The following BMPER variants were observed in gnomAD, a reference collection of about 807,000 sequenced individuals.
BMPER encodes BMP-binding endothelial regulator protein.
BMPER carries 45 observed loss-of-function variants against 87.3 expected under a neutral mutation model. The observed-to-expected ratio is 0.52, with a 90% CI of 0.41 to 0.66. BMPER has a LOEUF of 0.66. BMPER is among the 30% of genes least tolerant of loss of function. The pLI, the probability that BMPER is intolerant of heterozygous loss-of-function variation, is 0.00. For missense variants in BMPER, 784 were observed against 867.5 expected (o/e 0.90, Z 1.21); for synonymous variants, 326 against 316.2 (o/e 1.03, Z -0.33).
intron 13 of BMPER, among the ~76,000 whole-genome samples, chr7:34,089,183 T>C (rs1184767360): frequency 2.6e-5 from 4 of 152,098 alleles, no homozygotes; most frequent in African/African-American, 9.7e-5. Flanking sequence ...ATTTATTTTA[T>C]TTTCCCCCCA....
At chr7:34,074,558 ACAGTGATCTCGTGGGGCCTGTTTCCCTG>A (rs1392567870) in intron 11 of BMPER, among the ~76,000 whole-genome samples, 10 of 152,262 alleles carry the variant, frequency 6.6e-5, no homozygotes, top group Non-Finnish European at 1.5e-4. Context: ...CCTGCATGAC[ACAGTGATCTCGTGGGGCCTGTTTCCCTG>A]CAGTTTGGAC....
At chr7:34,136,992 A>C (rs1157556135) in intron 13 of BMPER, among the ~76,000 whole-genome samples, 1 of 152,260 alleles carries the variant, frequency 6.6e-6, no homozygotes, top group Non-Finnish European at 1.5e-5. Context: ...GAAAGCAGAG[A>C]GCAGAGGGGA....
Position 33,939,942 on chromosome 7 carries a change from C to T in BMPER, c.319+2554C>T, listed in dbSNP as rs754415412. The stretch of plus-strand genomic sequence containing the variant: ...CCCTTTGTTTTCTCTCTTTCTACCT[C>T]GTAATACAGTGCTTGTCTCAAGGGT... On this transcript the variant is annotated intron_variant, in intron 3 of 14. Coordinates refer to ENST00000649409, the MANE Select transcript of BMPER (RefSeq NM_001365308.1). 3.4e-5 allele frequency: 10 copies of T among 293,986 alleles called. 2 individuals carry two copies. Among genetic ancestry groups the T allele is most frequent in the South Asian group, 2.2e-4 (7 of 31,216 alleles). 18.2% of individuals were successfully genotyped at this position (293,986 alleles called of 1,614,324 possible). A position where few individuals can be genotyped will look rare whatever the true frequency, so the allele number is the denominator to read the frequency against.
intron 6 of BMPER, among the ~76,000 whole-genome samples, chr7:34,015,948 G>T (rs1787013996): frequency 6.6e-6 from 1 of 151,560 alleles, no homozygotes; most frequent in African/African-American, 2.4e-5. Context: ...CATTCAAATA[G>T]GACATTGGAA....
intron 12 of BMPER, among the ~76,000 whole-genome samples, chr7:34,080,819 C>T (rs1333647298): frequency 2.0e-5 from 3 of 152,230 alleles, no homozygotes; most frequent in Non-Finnish European, 2.9e-5. Context: ...CTAAGAGGTT[C>T]GATAGTGTTC....
rs754931730 is a variant in BMPER at position 33,970,394 on chromosome 7, G to A, written c.468G>A (p.Leu156=). 10 of 1,614,040 alleles carry A rather than the reference G, an allele frequency of 6.2e-6. No homozygotes were observed. The South Asian group carries it at 1.1e-4, about 18-fold the overall frequency. Residue 156 remains leucine (L), a synonymous_variant, in exon 5 of 15, where the codon CTG becomes CTA. Coordinates refer to ENST00000649409, the MANE Select transcript of BMPER (RefSeq NM_001365308.1). ...VVHCKNPLEH[L]GMCCPTCPGC... ...ATTGTAAAAACCCTTTGGAGCATCTGGGAATGTGCTGCCCCACATGTCCAG... is the reference window on the plus strand; with the variant it reads ...ATTGTAAAAACCCTTTGGAGCATCTAGGAATGTGCTGCCCCACATGTCCAG...
At chr7:34,048,195 A>G (rs1216760320) in intron 7 of BMPER, among the ~76,000 whole-genome samples, 5 of 152,086 alleles carry the variant, frequency 3.3e-5, no homozygotes, top group Admixed American at 1.3e-4. Context: ...TAGCACAGCC[A>G]TACCATGAAG....
Position 34,143,282 on chromosome 7 carries a change from G to A in BMPER, c.1798G>A (p.Glu600Lys), listed in dbSNP as rs761159719. The change falls in exon 14 of 15, where the codon GAG becomes AAG. Residue 600 changes from glutamate to lysine, a missense_variant. Coordinates refer to ENST00000649409, the MANE Select transcript of BMPER (RefSeq NM_001365308.1). ...ECPVHKNCYC[E>K]SFLAYTRACQ... ...TCCAGTCCATAAAAACTGTTATTGC[G>A]AGTCATTTTTGGCATATACCCGGGC... 6.2e-6 allele frequency: 10 copies of A among 1,614,042 alleles called. No individual in the cohort carries two copies. The Admixed American group carries it at 6.7e-5, about 11-fold the overall frequency.
chr7:34,042,724 C>T (rs2127956275), intron 6 of BMPER: 1 of 152,294 alleles, frequency 6.6e-6, no homozygotes, highest in Non-Finnish European at 1.5e-5. Flanking sequence ...CTTTCATTCA[C>T]TAATTTTTTA....
chr7:34,125,480 T>C (rs1283958506), intron 13 of BMPER, among the ~76,000 whole-genome samples: 1 of 152,244 alleles, frequency 6.6e-6, no homozygotes, highest in East Asian at 1.9e-4. Context: ...TATTTGTTTC[T>C]CTCATTCTAT....
intron 2 of BMPER, among the ~76,000 whole-genome samples, chr7:33,922,777 T>A (rs1376765013): frequency 2.0e-5 from 3 of 152,182 alleles, no homozygotes; most frequent in Non-Finnish European, 4.4e-5. Flanking sequence ...GCTAACGGGC[T>A]AGCTTGGAGC....
intron 3 of BMPER, among the ~76,000 whole-genome samples, chr7:33,942,188 A>G (rs1431292030): frequency 5.9e-5 from 9 of 152,162 alleles, no homozygotes; most frequent in Non-Finnish European, 2.9e-5. Context: ...GGGAATGTGT[A>G]TAAACGGTGT....
chr7:33,919,411 A>C (rs1363616435), intron 2 of BMPER, among the ~76,000 whole-genome samples: 1 of 152,230 alleles, frequency 6.6e-6, no homozygotes, highest in Non-Finnish European at 1.5e-5. Context: ...CACTGGGTTC[A>C]TAAACTAAAG....
intron 13 of BMPER, among the ~76,000 whole-genome samples, chr7:34,127,037 A>G (rs565975953): frequency 6.6e-6 from 1 of 152,350 alleles, no homozygotes; most frequent in South Asian, 2.1e-4. Flanking sequence ...AGGCAAAAGA[A>G]TAATAAACCT....
intron 6 of BMPER, 128 bp downstream of exon 6, chr7:33,974,912 A>T: frequency 1.1e-6 from 1 of 931,400 alleles, no homozygotes; most frequent in Non-Finnish European, 1.7e-6. Context: ...GTCCCTCCTG[A>T]TGTGGAGCCG....
chr7:34,106,996 G>A (rs1049568044), intron 13 of BMPER, among the ~76,000 whole-genome samples: 5 of 151,884 alleles, frequency 3.3e-5, no homozygotes, highest in Non-Finnish European at 5.9e-5. Flanking sequence ...GAACTCCTAC[G>A]TGAGTTGTGA....
At chr7:34,004,340 TA>T (rs1458155662) in intron 6 of BMPER, among the ~76,000 whole-genome samples, 1 of 152,136 alleles carries the variant, frequency 6.6e-6, no homozygotes, top group Non-Finnish European at 1.5e-5. Flanking sequence ...TTTGAACATT[TA>T]TAATAGCTGG....
At chr7:33,927,595 A>G (rs1325901520) in intron 2 of BMPER, among the ~76,000 whole-genome samples, 1 of 152,108 alleles carries the variant, frequency 6.6e-6, no homozygotes, top group African/African-American at 2.4e-5. Flanking sequence ...TCAAAATAAT[A>G]TCTCCAGCTA....
At chr7:34,140,016 C>A (rs1790822483) in intron 13 of BMPER, among the ~76,000 whole-genome samples, 1 of 152,108 alleles carries the variant, frequency 6.6e-6, no homozygotes, top group African/African-American at 2.4e-5. Context: ...CAGTTGCTCT[C>A]TAGAAAGATC....
Sources: allele counts gnomAD v4.1 joint callset (sites outside exome capture counted in the v4.1 genomes callset), GRCh38; gene constraint gnomAD v4.1.1; transcripts MANE v1.5; gene names NCBI Gene and HGNC (gene_info 2026-07-23, HGNC 2026-07-21).